The following ABCB1 variants were observed in gnomAD, a reference collection of about 807,000 sequenced individuals.
ABCB1 encodes the protein ATP binding cassette subfamily B member 1.
A neutral mutation model predicts 142.0 loss-of-function variants in ABCB1; 69 were observed. The ratio of observed to expected loss-of-function variants is 0.49; its 90% CI spans 0.40 to 0.59. The LOEUF is 0.59. Among genes scored for constraint, ABCB1 ranks in the 20% least tolerant of loss-of-function variants. The pLI is 0.00. For synonymous variants in ABCB1, 532 were observed against 539.2 expected (o/e 0.99, Z 0.18); for missense variants, 1,326 against 1,554.7 (o/e 0.85, Z 2.47).
chr7:87,555,534 C>T (rs1817269289), intron 8 of ABCB1, among the ~76,000 whole-genome samples: 1 of 152,136 alleles, frequency 6.6e-6, no homozygotes, highest in South Asian at 2.1e-4. Context: ...TACAGAGTTA[C>T]AAAAGCATGC....
chr7:87,615,455 G>A (rs1820002770), intron 1 of ABCB1, among the ~76,000 whole-genome samples: 1 of 152,208 alleles, frequency 6.6e-6, no homozygotes, highest in Admixed American at 6.5e-5. Flanking sequence ...TCGTCACTCT[G>A]AGTGAGAGAG....
chr7:87,700,635 T>G, intron 1 of ABCB1: 1 of 1,289,034 alleles, frequency 7.8e-7, no homozygotes, highest in Non-Finnish European at 1.1e-6. Context: ...TGAAGCTACT[T>G]ACTATGAATT....
rs757098854 is a variant in ABCB1 at position 87,566,858 on chromosome 7, G to GA, written c.456dup (p.His153SerfsTer12). 1.2e-5 allele frequency: 19 copies of GA among 1,613,996 alleles called. No individual in the cohort carries two copies. The highest frequency in any genetic ancestry group is 1.5e-5 in the Non-Finnish European group (18 of 1,180,034). Reference sequence around the variant, plus strand: ...CCTATCTCCTGTCGCATTATAGCATGAAAAAACTGTTTTCTAATTTTGTGT... The same window carrying GA: ...CCTATCTCCTGTCGCATTATAGCATGAAAAAAACTGTTTTCTAATTTTGTGT... On this transcript the variant is annotated frameshift_variant, in exon 6 of 28. Transcript: ENST00000622132. LOFTEE classifies it high-confidence loss of function.
At chr7:87,658,050 A>G (rs1341008415) in intron 1 of ABCB1, among the ~76,000 whole-genome samples, 1 of 152,216 alleles carries the variant, frequency 6.6e-6, no homozygotes, top group African/African-American at 2.4e-5. Context: ...CTCAGATTGC[A>G]TAATAAAAGA....
chr7:87,554,106 G>A (rs1047269716), intron 8 of ABCB1, among the ~76,000 whole-genome samples, 174 bp from the exon 9 acceptor site: 1 of 152,128 alleles, frequency 6.6e-6, no homozygotes, highest in Non-Finnish European at 1.5e-5. Context: ...TTTTGCAGAA[G>A]AAGAAACTGA....
At chr7:87,663,724 C>T (rs1034743008) in intron 1 of ABCB1, among the ~76,000 whole-genome samples, 1 of 152,094 alleles carries the variant, frequency 6.6e-6, no homozygotes, top group Admixed American at 6.6e-5. Context: ...TAACAAAATA[C>T]TACATACTGA....
chr7:87,503,194 CT>C lies in ABCB1; in HGVS notation c.*1048del, dbSNP rs1279358882. On this transcript the variant is annotated 3_prime_UTR_variant, in exon 28 of 28. Transcript: ENST00000622132. The stretch of plus-strand genomic sequence containing the variant: ...TTTTTTTTCCTGGAGGTGATGGCTT[CT>C]TTTTTTTATTTTTAGAAGTTGCTTA... 1.3e-5 allele frequency among the ~76,000 whole-genome samples: 2 copies of C among 150,860 alleles called. No homozygotes were observed. Among genetic ancestry groups the C allele is most frequent in the Admixed American group, 6.6e-5 (1 of 15,162 alleles).
chr7:87,655,345 T>TA (rs891464706), intron 1 of ABCB1, among the ~76,000 whole-genome samples: 69 of 151,066 alleles, frequency 4.6e-4, no homozygotes, highest in African/African-American at 1.4e-3. Flanking sequence ...GATGAGTCGA[T>TA]AAAAAAAAAG....
chr7:87,680,530 C>T (rs1389379145), intron 1 of ABCB1, among the ~76,000 whole-genome samples: 2 of 150,812 alleles, frequency 1.3e-5, no homozygotes, highest in South Asian at 2.1e-4. Flanking sequence ...CGGTGGCTCA[C>T]GCCTGTAATC....
At position 87,566,976 on chromosome 7, in the gene ABCB1, C is replaced by T. The variant is rs1313646996; in HGVS notation, c.339G>A (p.Arg113=). 6.2e-7 allele frequency: 1 copy of T among 1,613,944 alleles called. No individual in the cohort carries two copies. The highest frequency in any genetic ancestry group is 1.7e-5 in the Admixed American group (1 of 60,018). ...FFMNLEEDMT[R]YAYYYSGIGA... Reference sequence around the variant, plus strand: ...CAATTCCACTGTAATAATAGGCATACCTGAAAAACAACAAGAACACTGCAC... The same window carrying T: ...CAATTCCACTGTAATAATAGGCATATCTGAAAAACAACAAGAACACTGCAC... The change falls in exon 6 of 28, where the codon AGG becomes AGA. Residue 113 remains arginine (R), a splice_region_variant and synonymous_variant. Coordinates refer to ENST00000622132, the MANE Select transcript of ABCB1 (RefSeq NM_001348946.2).
At chr7:87,581,336 C>T (rs991746444) in intron 4 of ABCB1, among the ~76,000 whole-genome samples, 5 of 152,002 alleles carry the variant, frequency 3.3e-5, no homozygotes, top group African/African-American at 9.7e-5. Flanking sequence ...CCCCACCTGC[C>T]GTCTTCACCA....
chr7:87,639,175 A>AT (rs1249045545), intron 1 of ABCB1, among the ~76,000 whole-genome samples: 1 of 151,622 alleles, frequency 6.6e-6, no homozygotes. Flanking sequence ...AAAAAAAAAA[A>AT]ATCTATTGTC....
intron 25 of ABCB1, 114 bp downstream of exon 25, chr7:87,515,117 G>T: frequency 7.5e-7 from 1 of 1,333,514 alleles, no homozygotes; most frequent in Non-Finnish European, 1.0e-6. Context: ...CTTTATCCAA[G>T]TGGGACTGTT....
Position 87,550,882 on chromosome 7 carries a change from C to A in ABCB1, c.1000-44G>T, listed in dbSNP as rs10276036. 6 of 1,262,360 alleles carry A rather than the reference C, an allele frequency of 4.8e-6. No individual in the cohort carries two copies. In the East Asian group the frequency reaches 1.4e-4, roughly 29 times the overall value. The allele number at this position is 1,262,360 out of a possible 1,614,324, so 78.2% of individuals were successfully genotyped here. On this transcript the variant is annotated intron_variant, in intron 9 of 27. Coordinates refer to ENST00000622132, the MANE Select transcript of ABCB1 (RefSeq NM_001348946.2). ...AACCATCAGGCTACTGAGATAGTGACAGCAATTTTTTTTCATACTTCTTCT... is the reference window on the plus strand; with the variant it reads ...AACCATCAGGCTACTGAGATAGTGAAAGCAATTTTTTTTCATACTTCTTCT...
At chr7:87,590,960 TC>T (rs1473072216) in intron 3 of ABCB1, among the ~76,000 whole-genome samples, 5 of 152,066 alleles carry the variant, frequency 3.3e-5, no homozygotes, top group Admixed American at 2.6e-4. Context: ...AGAATAATTC[TC>T]CCCCCACAGC....
chr7:87,709,384 G>T, intron 1 of ABCB1: 1 of 985,368 alleles, frequency 1.0e-6, no homozygotes, highest in South Asian at 4.7e-5. Flanking sequence ...CTACTGGCCA[G>T]CCAGTAGCTT....
At chr7:87,628,830 TC>T in intron 1 of ABCB1, 1 of 1,253,026 alleles carries the variant, frequency 8.0e-7, no homozygotes, top group Non-Finnish European at 1.0e-6. Flanking sequence ...CGCCATGGCC[TC>T]CCGGAGCCTG....
intron 1 of ABCB1, chr7:87,700,526 T>C: frequency 6.2e-7 from 1 of 1,613,316 alleles, no homozygotes; most frequent in Non-Finnish European, 8.5e-7. Flanking sequence ...ATTGAAAATA[T>C]GGAAAATGTC....
intron 1 of ABCB1, among the ~76,000 whole-genome samples, chr7:87,609,271 T>C (rs1324409378): frequency 6.6e-6 from 1 of 152,108 alleles, no homozygotes; most frequent in Non-Finnish European, 1.5e-5. Context: ...AAGTTTTGAG[T>C]GGTGCCATGA....
Sources: gnomAD v4.1 joint callset for allele counts (sites outside exome capture counted in the v4.1 genomes callset) on GRCh38, gnomAD v4.1.1 for gene constraint, MANE v1.5 for transcripts, NCBI Gene and HGNC (gene_info 2026-07-23, HGNC 2026-07-21) for gene names.